LRRC27: variants seen among roughly 807,000 people sequenced by gnomAD.
LRRC27 encodes the protein leucine-rich repeat-containing protein 27.
Under a neutral mutation model 55.0 loss-of-function variants are expected in LRRC27, and 57 were observed. The ratio of observed to expected loss-of-function variants is 1.04; its 90% confidence interval spans 0.84 to 1.29. The LOEUF is 1.29. LRRC27 is among the 50% of genes most tolerant of loss of function. LRRC27 has a pLI of 0.00. For synonymous variants in LRRC27, 278 were observed against 251.9 expected (o/e 1.10, Z -0.98); for missense variants, 721 against 651.5 (o/e 1.11, Z -1.16).
In LRRC27 at chr10:132,351,895, C is replaced by A. The variant is rs1381867800; in HGVS notation, c.1073+142C>A. 4 of 1,090,636 alleles carry A rather than the reference C, an allele frequency of 3.7e-6. No homozygotes were observed. The African/African-American group carries it at 4.8e-5, about 13-fold the overall frequency. The allele number at this position is 1,090,636 out of a possible 1,614,324, so 67.6% of individuals were successfully genotyped here. ...ATGCTGATCCAGGATCCGTCTCTTCCTCACCTGGAAGCCGAGCTGCACGTG... is the reference window on the plus strand; with the variant it reads ...ATGCTGATCCAGGATCCGTCTCTTCATCACCTGGAAGCCGAGCTGCACGTG... On this transcript the variant is annotated intron_variant, in intron 7 of 10. Coordinates refer to ENST00000368614, the MANE Select transcript of LRRC27 (RefSeq NM_030626.3).
At chr10:132,336,782 C>T (rs1348758532) in intron 2 of LRRC27, 2 of 772,908 alleles carry the variant, frequency 2.6e-6, no homozygotes, top group South Asian at 2.7e-5. Flanking sequence ...ACATCTGTTT[C>T]TACTCCCTCA....
At position 132,333,214 on chromosome 10, in the gene LRRC27, C is replaced by G. The variant is rs112337622; in HGVS notation, c.-48-263C>G. Reference sequence around the variant, plus strand: ...GATCTGTTTACATCCCTAAAATGATCATTACTATTGTGCGCCTTTGCGTTT... The same window carrying G: ...GATCTGTTTACATCCCTAAAATGATGATTACTATTGTGCGCCTTTGCGTTT... On this transcript the variant is annotated intron_variant, in intron 1 of 10. Transcript: ENST00000368614. Among the ~76,000 whole-genome samples the G allele has an allele frequency of 1.7e-3, 262 of 152,192 alleles. 3 individuals are homozygous for G. The highest frequency in any genetic ancestry group is 5.6e-3 in the African/African-American group (231 of 41,496).
At chr10:132,367,293 C>T (rs2069119668) in intron 10 of LRRC27, among the ~76,000 whole-genome samples, 1 of 152,216 alleles carries the variant, frequency 6.6e-6, no homozygotes, top group Non-Finnish European at 1.5e-5. Context: ...GAAGTGTTCA[C>T]TGGTGAATTC....
upstream of LRRC27, chr10:132,331,805 C>A (rs760330646): frequency 6.3e-7 from 1 of 1,594,580 alleles, no homozygotes; most frequent in Non-Finnish European, 8.5e-7. Context: ...TCTACTTGCC[C>A]GTCGACCACC....
At chr10:132,344,805 C>G in intron 5 of LRRC27, 155 bp downstream of exon 5, 1 of 666,292 alleles carries the variant, frequency 1.5e-6, no homozygotes, top group Non-Finnish European at 2.4e-6. Flanking sequence ...TGATCTCAGG[C>G]CGACCCAGTC....
chr10:132,372,750 G>A lies in LRRC27; in HGVS notation c.1417-2316G>A, dbSNP rs1420881748. ...AGCCATGTTTGGCCTAAAGAGACCT[G>A]CAGAAGGTCAGGTGCACAACCGACC... On this transcript the variant is annotated intron_variant, in intron 10 of 10. Transcript: ENST00000368614. This position sits in a 1 kb window ranked among gnomAD's most constrained non-coding sequence, Gnocchi z 4.0. 2.0e-5 allele frequency among the ~76,000 whole-genome samples: 3 copies of A among 152,314 alleles called. No homozygotes were observed. Among genetic ancestry groups the A allele is most frequent in the East Asian group, 3.9e-4 (2 of 5,186 alleles).
rs2066938612 is a variant in LRRC27, at chr10:132,333,519, G to C, written c.-6G>C. ...AGGATGAGCTGCTGTCCCTGGAAGA[G>C]AACGGATGGAGGGAAGCAGCTCCTA... On this transcript the variant is annotated 5_prime_UTR_variant, in exon 2 of 11. Coordinates refer to ENST00000368614, the MANE Select transcript of LRRC27 (RefSeq NM_030626.3). 1.9e-6 allele frequency: 3 copies of C among 1,589,774 alleles called. No homozygotes were observed. Among genetic ancestry groups the C allele is most frequent in the Non-Finnish European group, 1.7e-6 (2 of 1,166,982 alleles).
chr10:132,373,568 G>C (rs1054451766), intron 10 of LRRC27, among the ~76,000 whole-genome samples: 4 of 152,196 alleles, frequency 2.6e-5, no homozygotes, highest in African/African-American at 9.7e-5. Context: ...TGCAAGGTCA[G>C]GGGTCAGCAC....
chr10:132,353,150 G>A (rs1271059541), intron 7 of LRRC27: 8 of 1,440,724 alleles, frequency 5.6e-6, no homozygotes, highest in Admixed American at 2.7e-5. Flanking sequence ...TGGCCAGCGG[G>A]GGCCCCCAGC....
intron 9 of LRRC27, among the ~76,000 whole-genome samples, chr10:132,362,847 G>A (rs112081489): frequency 4.3e-5 from 6 of 140,382 alleles, no homozygotes; most frequent in African/African-American, 1.1e-4. Context: ...CTCGGGGGTC[G>A]GGTTCATGAA....
At chr10:132,339,536 C>G (rs1325560957) in intron 3 of LRRC27, among the ~76,000 whole-genome samples, 1 of 152,196 alleles carries the variant, frequency 6.6e-6, no homozygotes, top group Non-Finnish European at 1.5e-5. Flanking sequence ...TCAGCTGGTA[C>G]ATCTGCCGAG....
intron 8 of LRRC27, among the ~76,000 whole-genome samples, chr10:132,360,777 G>A (rs2068577677): frequency 6.6e-6 from 1 of 152,202 alleles, no homozygotes; most frequent in Non-Finnish European, 1.5e-5. Flanking sequence ...AGTAGCCCCT[G>A]GTTGGAAGTT....
chr10:132,364,538 A>ACCCACCCTTAC lies in LRRC27; in HGVS notation c.1290-886_1290-885insCCCACCCTTAC, dbSNP rs1564853983. Among the ~76,000 whole-genome samples the ACCCACCCTTAC allele has an allele frequency of 5.7e-4, 6 of 10,440 alleles. 1 individual carries two copies. Among genetic ancestry groups the ACCCACCCTTAC allele is most frequent in the Admixed American group, 8.7e-4 (1 of 1,156 alleles). 6.8% of individuals were successfully genotyped at this position (10,440 alleles called of 152,430 possible). On this transcript the variant is annotated intron_variant, in intron 9 of 10. Coordinates refer to ENST00000368614, the MANE Select transcript of LRRC27 (RefSeq NM_030626.3). ...ACACTCGCACTTACACCCACACTTAAATCTACCTCCACACCCACACTTACA... is the reference window on the plus strand; with the variant it reads ...ACACTCGCACTTACACCCACACTTAACCCACCCTTACATCTACCTCCACACCCACACTTACA...
In LRRC27 at chr10:132,374,937, G is replaced by T; in HGVS notation, c.1417-129G>T. On this transcript the variant is annotated intron_variant, in intron 10 of 10. Coordinates refer to ENST00000368614, the MANE Select transcript of LRRC27 (RefSeq NM_030626.3). This position sits in a 1 kb window ranked among gnomAD's most constrained non-coding sequence, Gnocchi z 4.4. ...CCGTGATGCGGCTTGCAGGGGCCCC[G>T]GGGCAGCGGGGCTGGCTCTGCTGAC... The T allele has an allele frequency of 9.8e-7, 1 of 1,022,470 alleles. No individual in the cohort carries two copies. Among genetic ancestry groups the T allele is most frequent in the Non-Finnish European group, 1.4e-6 (1 of 708,876 alleles). 63.3% of individuals were successfully genotyped at this position (1,022,470 alleles called of 1,614,324 possible).
chr10:132,380,659 GA>G lies in LRRC27; in HGVS notation c.*5424del, dbSNP rs57489614. ...GGGCAACAGAGTGAGACCCCAACTTGAAAAAAAGGGGACATCGGGATGTTCT... is the reference window on the plus strand; with the variant it reads ...GGGCAACAGAGTGAGACCCCAACTTGAAAAAAGGGGACATCGGGATGTTCT... On this transcript the variant is annotated 3_prime_UTR_variant, in exon 11 of 11. Transcript: ENST00000368614. Among the ~76,000 whole-genome samples the G allele has an allele frequency of 6.6e-4, 100 of 151,998 alleles. No individual in the cohort carries two copies. Among genetic ancestry groups the G allele is most frequent in the African/African-American group, 2.3e-3 (97 of 41,504 alleles).
At chr10:132,367,418 A>G (rs1302362176) in intron 10 of LRRC27, among the ~76,000 whole-genome samples, 5 of 152,228 alleles carry the variant, frequency 3.3e-5, no homozygotes, top group Non-Finnish European at 5.9e-5. Flanking sequence ...GCATTACTCT[A>G]ATACCAAAAC....
At chr10:132,366,028 C>T (rs1189031513) in intron 10 of LRRC27, among the ~76,000 whole-genome samples, 1 of 152,258 alleles carries the variant, frequency 6.6e-6, no homozygotes, top group African/African-American at 2.4e-5. Context: ...AGAAGGAAAA[C>T]ATTTCAGCCG....
intron 2 of LRRC27, among the ~76,000 whole-genome samples, chr10:132,335,476 G>GC (rs1001542485): frequency 2.1e-4 from 28 of 136,094 alleles, no homozygotes; most frequent in African/African-American, 8.8e-4. Context: ...TGAGTACTAT[G>GC]GGGGGGGGTC....
chr10:132,347,752 C>T (rs1054608293), intron 5 of LRRC27, among the ~76,000 whole-genome samples: 1 of 152,078 alleles, frequency 6.6e-6, no homozygotes, highest in Admixed American at 6.5e-5. Context: ...GTGCTTCTGG[C>T]AGTGTTGTTT....
Sources: allele counts gnomAD v4.1 joint callset (sites outside exome capture counted in the v4.1 genomes callset), GRCh38; gene constraint gnomAD v4.1.1; non-coding constraint Gnocchi (gnomAD v3.1); transcripts MANE v1.5; gene names NCBI Gene and HGNC (gene_info 2026-07-23, HGNC 2026-07-21).